Variants in GUCY1A2 observed in about 807,000 individuals in gnomAD.
The protein encoded by GUCY1A2 is guanylate cyclase 1 soluble subunit alpha 2, also known as guanylate cyclase soluble subunit alpha-2.
Under a neutral mutation model 63.5 loss-of-function variants are expected in GUCY1A2, and 27 were observed. That is an observed-to-expected ratio of 0.43 (90% CI 0.31 to 0.59). GUCY1A2 has a LOEUF of 0.59. GUCY1A2 is among the 20% of genes least tolerant of loss of function. The probability of loss-of-function intolerance (pLI) is 0.11; values close to 1 mark genes in which losing one functional copy is unlikely to be tolerated. For missense variants in GUCY1A2, 768 were observed against 913.3 expected, an observed-to-expected ratio of 0.84 and a Z score of 2.05; for synonymous variants, 364 against 343.5, an observed-to-expected ratio of 1.06 and a Z score of -0.66.
chr11:106,819,942 TCATAGA>T (rs1175157756), intron 4 of GUCY1A2, among the ~76,000 whole-genome samples: 1 of 152,126 alleles, frequency 6.6e-6, no homozygotes, highest in African/African-American at 2.4e-5. Flanking sequence ...AAATTCAAAC[TCATAGA>T]CATAGAGATT....
chr11:106,809,518 G>GT (rs1328006547), intron 5 of GUCY1A2, among the ~76,000 whole-genome samples: 5 of 151,860 alleles, frequency 3.3e-5, no homozygotes, highest in East Asian at 1.9e-4. Context: ...TTATATATAG[G>GT]TTTTTTTAGA....
At chr11:106,816,910 A>C (rs140625499) in intron 4 of GUCY1A2, among the ~76,000 whole-genome samples, 1,964 of 152,212 alleles carry the variant, frequency 0.013, 28 homozygotes, top group South Asian at 0.049. Context: ...TGAAACTGAT[A>C]ATCTGAATCA....
intron 6 of GUCY1A2, among the ~76,000 whole-genome samples, chr11:106,731,014 T>C (rs79273334): frequency 0.067 from 10,235 of 152,108 alleles, 986 homozygotes; most frequent in African/African-American, 0.21. Context: ...ATTCCAGATA[T>C]TAGACCTTAT....
intron 3 of GUCY1A2, among the ~76,000 whole-genome samples, chr11:106,954,642 T>C (rs1860957352): frequency 6.6e-6 from 1 of 152,198 alleles, no homozygotes; most frequent in Non-Finnish European, 1.5e-5. Flanking sequence ...GGAGTTTAAG[T>C]CTCTTTGCAG....
intron 1 of GUCY1A2, among the ~76,000 whole-genome samples, chr11:107,001,581 TTC>T (rs1404948400): frequency 1.3e-5 from 2 of 152,160 alleles, no homozygotes; most frequent in South Asian, 2.1e-4. Context: ...CATTTGCATA[TTC>T]TCTGTTTTTC....
chr11:106,921,497 T>C (rs982632611), intron 4 of GUCY1A2, among the ~76,000 whole-genome samples: 1 of 152,100 alleles, frequency 6.6e-6, no homozygotes, highest in Non-Finnish European at 1.5e-5. Context: ...TTTAAATAAA[T>C]CTTTTAGAAC....
At chr11:106,791,882 C>T (rs1313480272) in intron 5 of GUCY1A2, among the ~76,000 whole-genome samples, 2 of 152,068 alleles carry the variant, frequency 1.3e-5, no homozygotes, top group Non-Finnish European at 1.5e-5. Context: ...ACCAGAAGAG[C>T]TGGTACCATT....
At chr11:106,828,031 C>T in intron 4 of GUCY1A2, 1 of 638,128 alleles carries the variant, frequency 1.6e-6, no homozygotes, top group Non-Finnish European at 2.8e-6. Context: ...GGCCCTTTGC[C>T]CACTTTTAAT....
At chr11:106,756,433 T>C (rs1196816958) in intron 6 of GUCY1A2, among the ~76,000 whole-genome samples, 2 of 152,208 alleles carry the variant, frequency 1.3e-5, no homozygotes, top group African/African-American at 4.8e-5. Flanking sequence ...CTGCAGTTTC[T>C]TCATAGTGTT....
intron 5 of GUCY1A2, among the ~76,000 whole-genome samples, chr11:106,800,195 C>T (rs1864848082): frequency 6.6e-6 from 1 of 152,182 alleles, no homozygotes; most frequent in African/African-American, 2.4e-5. Context: ...GAGATACCAT[C>T]TCATACCAGT....
At chr11:106,801,543 C>T (rs1372454718) in intron 5 of GUCY1A2, among the ~76,000 whole-genome samples, 1 of 152,088 alleles carries the variant, frequency 6.6e-6, no homozygotes. Flanking sequence ...CTATCTGACA[C>T]ATGAATGATT....
chr11:106,979,288 T>C (rs1307992023), intron 2 of GUCY1A2, among the ~76,000 whole-genome samples: 1 of 152,114 alleles, frequency 6.6e-6, no homozygotes, highest in East Asian at 1.9e-4. Context: ...ACCCCGTCTC[T>C]ACTAAAAATA....
rs150990056 is a variant in GUCY1A2, at chr11:106,912,524, A to G, written c.1206+26936T>C. Among the ~76,000 whole-genome samples the G allele has an allele frequency of 2.8e-3, 422 of 152,222 alleles. 1 individual carries two copies. Among genetic ancestry groups the G allele is most frequent in the African/African-American group, 9.6e-3 (397 of 41,568 alleles). On this transcript the variant is annotated intron_variant, in intron 4 of 7. Transcript: ENST00000526355. ...GGGTTAGTATAAATCTCTATTCTGT[A>G]GTATCTTCCATCTACAGACACTCAC...
intron 4 of GUCY1A2, chr11:106,826,838 T>C (rs1412367960): frequency 6.2e-7 from 1 of 1,607,562 alleles, no homozygotes; most frequent in African/African-American, 1.3e-5. Flanking sequence ...GCAGCATAGA[T>C]ATCAGGAAGG....
chr11:106,903,292 A>T (rs966909996), intron 4 of GUCY1A2, among the ~76,000 whole-genome samples: 6 of 152,140 alleles, frequency 3.9e-5, no homozygotes, highest in African/African-American at 1.4e-4. Flanking sequence ...CTGTCTGGCC[A>T]CATCCAATTT....
At chr11:106,776,400 G>T (rs1333247290) in intron 6 of GUCY1A2, 39 bp downstream of exon 6, 7 of 1,340,090 alleles carry the variant, frequency 5.2e-6, no homozygotes, top group Non-Finnish European at 7.4e-6. Context: ...CCAGTTAATG[G>T]TGCACTTACT....
intron 4 of GUCY1A2, among the ~76,000 whole-genome samples, chr11:106,913,679 C>T (rs1001840362): frequency 2.0e-5 from 3 of 152,010 alleles, no homozygotes; most frequent in African/African-American, 7.2e-5. Context: ...AAATACAAAT[C>T]CAGTACCTAA....
intron 4 of GUCY1A2, among the ~76,000 whole-genome samples, chr11:106,878,742 T>C (rs1859784558): frequency 6.9e-6 from 1 of 145,634 alleles, no homozygotes; most frequent in African/African-American, 2.6e-5. Flanking sequence ...TGAGTTTACC[T>C]ATATAGCAAA....
intron 5 of GUCY1A2, among the ~76,000 whole-genome samples, chr11:106,806,556 T>C (rs1219186318): frequency 6.6e-6 from 1 of 152,196 alleles, no homozygotes; most frequent in Non-Finnish European, 1.5e-5. Context: ...ATTTACAAAA[T>C]TAGATACTGG....
Sources: gnomAD v4.1 joint callset for allele counts (sites outside exome capture counted in the v4.1 genomes callset) on GRCh38, gnomAD v4.1.1 for gene constraint, MANE v1.5 for transcripts, NCBI Gene and HGNC (gene_info 2026-07-23, HGNC 2026-07-21) for gene names.